The following GPC6 variants were observed in gnomAD, a reference collection of about 807,000 sequenced individuals.
GPC6 encodes glypican-6.
A neutral mutation model predicts 55.2 loss-of-function variants in GPC6; 14 were observed. The ratio of observed to expected loss-of-function variants is 0.25; its 90% CI spans 0.17 to 0.40. The LOEUF is 0.40. Ranked by LOEUF, GPC6 falls within the 10% of genes least tolerant of loss-of-function variation. The pLI is 1.00. For missense variants in GPC6, 641 were observed against 708.5 expected, an observed-to-expected ratio of 0.90 and a Z score of 1.08; for synonymous variants, 278 against 259.6, an observed-to-expected ratio of 1.07 and a Z score of -0.68.
At chr13:93,334,042 A>C (rs1359904250) in intron 1 of GPC6, among the ~76,000 whole-genome samples, 1 of 152,182 alleles carries the variant, frequency 6.6e-6, no homozygotes, top group Admixed American at 6.5e-5. Flanking sequence ...AGTATATTTA[A>C]TTATGACTTT....
At chr13:93,715,487 A>G (rs1409736410) in intron 2 of GPC6, among the ~76,000 whole-genome samples, 3 of 151,510 alleles carry the variant, frequency 2.0e-5, no homozygotes, top group Non-Finnish European at 4.4e-5. Flanking sequence ...AAGGGAGGGA[A>G]GCAACGGTGG....
rs1261391746 is a variant in GPC6, at chr13:94,382,536, G to A, written c.1275G>A (p.Gly425=). Residue 425 remains glycine, a synonymous_variant, in exon 7 of 9, where the codon GGG becomes GGA. Transcript: ENST00000377047. ...CCAACGAGGAGGAATGCTGGAACGG[G>A]CACAGCAAAGCCAGGTGAGGGTGAC... ...GTSNEEECWN[G]HSKARYLPEI... The A allele has an allele frequency of 6.2e-7, 1 of 1,614,118 alleles. No individual in the cohort carries two copies. Among genetic ancestry groups the A allele is most frequent in the Non-Finnish European group, 8.5e-7 (1 of 1,180,002 alleles).
intron 7 of GPC6, among the ~76,000 whole-genome samples, chr13:94,387,885 A>T (rs1211160957): frequency 6.6e-6 from 1 of 152,146 alleles, no homozygotes; most frequent in East Asian, 1.9e-4. Flanking sequence ...TGAGAAATAA[A>T]TGTGCATTGT....
chr13:93,293,028 C>T (rs186496392), intron 1 of GPC6, among the ~76,000 whole-genome samples: 5 of 152,202 alleles, frequency 3.3e-5, no homozygotes, highest in African/African-American at 9.6e-5. Context: ...CATTCTGTCA[C>T]TCAGACTGGA....
At chr13:93,812,088 G>A (rs376935248) in intron 2 of GPC6, among the ~76,000 whole-genome samples, 1 of 149,832 alleles carries the variant, frequency 6.7e-6, no homozygotes, top group Non-Finnish European at 1.5e-5. Flanking sequence ...GGAGATCTGG[G>A]CTGGGTACGT....
chr13:93,606,945 AT>A (rs1878260782), intron 2 of GPC6, among the ~76,000 whole-genome samples: 1 of 152,146 alleles, frequency 6.6e-6, no homozygotes, highest in South Asian at 2.1e-4. Context: ...CATTTCTTTA[AT>A]TTTTTAATAC....
At chr13:93,341,695 CTTT>C (rs34604793) in intron 1 of GPC6, among the ~76,000 whole-genome samples, 25,807 of 142,564 alleles carry the variant, frequency 0.18, 2,594 homozygotes, top group East Asian at 0.43. Context: ...TACTCCGCTG[CTTT>C]TTTTTTTTTT....
chr13:94,256,632 T>C (rs1479043128), intron 4 of GPC6, among the ~76,000 whole-genome samples: 2 of 152,180 alleles, frequency 1.3e-5, no homozygotes, highest in Non-Finnish European at 2.9e-5. Flanking sequence ...CATAAACTCA[T>C]ATCAGCCGCA....
intron 3 of GPC6, among the ~76,000 whole-genome samples, chr13:93,879,709 C>A (rs1874834753): frequency 1.3e-5 from 2 of 151,848 alleles, no homozygotes; most frequent in African/African-American, 4.8e-5. Flanking sequence ...CCAAAATTGA[C>A]AAATGGGATC....
rs147935608 is a variant in GPC6, at chr13:94,014,043, A to G, written c.712-13686A>G. ...GTGGCATTATAAACATTTGTCATCC[A>G]TGTAGGGAACATTTTTCCTTCAGGC... is the stretch of plus-strand genomic sequence containing the variant. On this transcript the variant is annotated intron_variant, in intron 3 of 8. Transcript: ENST00000377047. 2.9e-4 allele frequency among the ~76,000 whole-genome samples: 44 copies of G among 152,354 alleles called. 1 individual carries two copies. The highest frequency in any genetic ancestry group is 1.0e-3 in the African/African-American group (42 of 41,590).
intron 3 of GPC6, among the ~76,000 whole-genome samples, chr13:93,847,256 CATT>C (rs1254416186): frequency 2.0e-5 from 3 of 152,010 alleles, no homozygotes; most frequent in African/African-American, 7.2e-5. Flanking sequence ...GGAGGAGACG[CATT>C]AATACAGGAG....
At chr13:93,367,230 A>T (rs1396641855) in intron 1 of GPC6, among the ~76,000 whole-genome samples, 1 of 152,116 alleles carries the variant, frequency 6.6e-6, no homozygotes, top group African/African-American at 2.4e-5. Flanking sequence ...TTTGTTAAAT[A>T]ATAGTGTCAA....
intron 1 of GPC6, among the ~76,000 whole-genome samples, chr13:93,501,310 C>T (rs910750373): frequency 3.3e-5 from 5 of 152,108 alleles, no homozygotes; most frequent in Non-Finnish European, 7.4e-5. Context: ...GAATAATCAG[C>T]CCCAAGAACT....
intron 1 of GPC6, among the ~76,000 whole-genome samples, chr13:93,358,832 T>C (rs1334416771): frequency 6.6e-6 from 1 of 152,068 alleles, no homozygotes; most frequent in East Asian, 1.9e-4. Context: ...GGGTTTTGAT[T>C]TTTGCAGGCA....
chr13:93,241,585 A>T (rs954999236), intron 1 of GPC6, among the ~76,000 whole-genome samples: 10 of 151,866 alleles, frequency 6.6e-5, no homozygotes, highest in African/African-American at 2.4e-4. Context: ...TGATTTCTTT[A>T]TGTTGGTTTT....
chr13:93,358,276 C>T (rs138201270), intron 1 of GPC6, among the ~76,000 whole-genome samples: 12 of 151,970 alleles, frequency 7.9e-5, no homozygotes, highest in African/African-American at 2.7e-4. Context: ...CCTGGGAGAT[C>T]GAGCAGTGAG....
chr13:93,574,862 G>T (rs926438923), intron 2 of GPC6, among the ~76,000 whole-genome samples: 3 of 152,126 alleles, frequency 2.0e-5, no homozygotes, highest in African/African-American at 7.2e-5. Context: ...TTAGCATATT[G>T]TTTTAGAGGT....
At chr13:93,285,724 A>G (rs1424783900) in intron 1 of GPC6, among the ~76,000 whole-genome samples, 2 of 151,848 alleles carry the variant, frequency 1.3e-5, no homozygotes, top group Non-Finnish European at 2.9e-5. Flanking sequence ...AACCCAGGTT[A>G]AATAGTTAGC....
intron 2 of GPC6, among the ~76,000 whole-genome samples, chr13:93,752,958 T>C (rs1884648108): frequency 6.6e-6 from 1 of 152,242 alleles, no homozygotes; most frequent in Non-Finnish European, 1.5e-5. Context: ...GTCTCCCCTT[T>C]ACATCCTTTC....
Sources: allele counts gnomAD v4.1 joint callset (sites outside exome capture counted in the v4.1 genomes callset), GRCh38; gene constraint gnomAD v4.1.1; transcripts MANE v1.5; gene names NCBI Gene and HGNC (gene_info 2026-07-23, HGNC 2026-07-21).